GTF2IRD1: variants seen among roughly 807,000 people sequenced by gnomAD.
GTF2IRD1 encodes general transcription factor II-I repeat domain-containing protein 1.
Under a neutral mutation model 113.2 loss-of-function variants are expected in GTF2IRD1, and 26 were observed. That is an observed-to-expected ratio of 0.23 (90% CI 0.17 to 0.32). The LOEUF is 0.32. GTF2IRD1 is among the 10% of genes least tolerant of loss of function. The pLI is 1.00. For missense variants in GTF2IRD1, 864 were observed against 1,280.8 expected (o/e 0.67, Z 4.97); for synonymous variants, 484 against 529.1 (o/e 0.91, Z 1.17).
intron 1 of GTF2IRD1, among the ~76,000 whole-genome samples, chr7:74,472,665 C>G (rs1241959047): frequency 1.3e-5 from 2 of 152,148 alleles, no homozygotes; most frequent in Non-Finnish European, 2.9e-5. Flanking sequence ...GACATGAGAA[C>G]TGCTTCAACC....
Position 74,544,821 on chromosome 7 carries a change from C to A in GTF2IRD1, c.1666+19C>A. 1.2e-6 allele frequency: 2 copies of A among 1,609,172 alleles called. No individual in the cohort carries two copies. The highest frequency in any genetic ancestry group is 2.7e-5 in the African/African-American group (2 of 74,964). On this transcript the variant is annotated intron_variant, in intron 15 of 26. Coordinates refer to ENST00000424337, the MANE Select transcript of GTF2IRD1 (RefSeq NM_005685.4). ...GTGGAGGGTGAGGCCCTGTCTACCC[C>A]TGACATTTTACACCCACCCCCACCC... is the stretch of plus-strand genomic sequence containing the variant.
At chr7:74,601,287 C>T (rs1554374013) in intron 26 of GTF2IRD1, 107 bp downstream of exon 26, 1 of 1,547,930 alleles carries the variant, frequency 6.5e-7, no homozygotes, top group African/African-American at 1.4e-5. Context: ...CGGGGAGGCA[C>T]TGGGCTTTGA....
chr7:74,547,071 C>A, intron 16 of GTF2IRD1, 32 bp from the exon 17 acceptor site: 4 of 1,593,690 alleles, frequency 2.5e-6, no homozygotes, highest in Non-Finnish European at 3.4e-6. Flanking sequence ...CCTGTGGCAC[C>A]GGGTGGCCCT....
intron 17 of GTF2IRD1, among the ~76,000 whole-genome samples, chr7:74,553,181 G>A (rs1461244089): frequency 6.6e-6 from 1 of 151,164 alleles, no homozygotes; most frequent in Non-Finnish European, 1.5e-5. Context: ...CCAGGCTGGA[G>A]TACAGTGGTG....
At chr7:74,569,215 A>G (rs1394329917) in intron 22 of GTF2IRD1, among the ~76,000 whole-genome samples, 1 of 152,158 alleles carries the variant, frequency 6.6e-6, no homozygotes, top group Non-Finnish European at 1.5e-5. Context: ...CCCTGCAGAG[A>G]TTAGGAGCTG....
intron 11 of GTF2IRD1, among the ~76,000 whole-genome samples, chr7:74,537,669 CCT>C (rs1406040113): frequency 6.6e-6 from 1 of 152,102 alleles, no homozygotes; most frequent in Non-Finnish European, 1.5e-5. Context: ...TCATATCAGG[CCT>C]CTCCCTGCAG....
chr7:74,529,996 G>C, intron 9 of GTF2IRD1, 79 bp downstream of exon 9: 2 of 1,089,120 alleles, frequency 1.8e-6, no homozygotes, highest in Admixed American at 2.1e-5. Context: ...GATCGCTTGA[G>C]GCCAGGAGTT....
intron 1 of GTF2IRD1, among the ~76,000 whole-genome samples, chr7:74,462,883 G>A (rs1312577503): frequency 1.3e-5 from 2 of 152,326 alleles, no homozygotes; most frequent in African/African-American, 2.4e-5. Flanking sequence ...CGATCCTCCC[G>A]CCGCCATCCA....
chr7:74,544,666 C>A, intron 14 of GTF2IRD1, 89 bp from the exon 15 acceptor site: 1 of 1,346,898 alleles, frequency 7.4e-7, no homozygotes. Flanking sequence ...CCCTGGCCTG[C>A]CATTCCCCAG....
At chr7:74,557,786 T>A in intron 20 of GTF2IRD1, 64 bp downstream of exon 20, 1 of 1,016,368 alleles carries the variant, frequency 9.8e-7, no homozygotes, top group Non-Finnish European at 1.5e-6. Context: ...GTGGGAGGCT[T>A]CCCAGTTCCA....
chr7:74,578,004 A>G (rs587771189), intron 22 of GTF2IRD1, among the ~76,000 whole-genome samples: 3 of 151,814 alleles, frequency 2.0e-5, no homozygotes, highest in Non-Finnish European at 2.9e-5. Context: ...GAGTCTCTCT[A>G]TGTTACCCAA....
chr7:74,536,640 C>A (rs1222232149), intron 11 of GTF2IRD1, among the ~76,000 whole-genome samples: 3 of 151,630 alleles, frequency 2.0e-5, no homozygotes, highest in African/African-American at 7.3e-5. Context: ...AAACTCCCAT[C>A]TCTACTAAAA....
chr7:74,590,169 C>T (rs1226104120), intron 23 of GTF2IRD1, among the ~76,000 whole-genome samples: 1 of 152,114 alleles, frequency 6.6e-6, no homozygotes, highest in African/African-American at 2.4e-5. Flanking sequence ...CAGCCTTCAC[C>T]TCCTGGGCTT....
chr7:74,470,831 C>G (rs1314450387), intron 1 of GTF2IRD1, among the ~76,000 whole-genome samples: 1 of 151,940 alleles, frequency 6.6e-6, no homozygotes, highest in African/African-American at 2.4e-5. Flanking sequence ...CGAGACGGAG[C>G]CTTGCTCTCT....
In GTF2IRD1 at chr7:74,590,734, C is replaced by G. The variant is rs191262839; in HGVS notation, c.2399-91C>G. ...CTCTCTGGGTGTGATGGCTGCTGGG[C>G]TAGGGCAGCCCAGACTCCAGCCCTT... On this transcript the variant is annotated intron_variant, in intron 23 of 26. Transcript: ENST00000424337. 1,719 of 832,324 alleles carry G rather than the reference C, an allele frequency of 2.1e-3. 3 individuals are homozygous for G. The highest frequency in any genetic ancestry group is 2.8e-3 in the Non-Finnish European group (1,478 of 535,164). The allele number at this position is 832,324 out of a possible 1,614,324, so 51.6% of individuals were successfully genotyped here.
chr7:74,460,055 A>G (rs781862743), intron 1 of GTF2IRD1, among the ~76,000 whole-genome samples: 8 of 151,624 alleles, frequency 5.3e-5, no homozygotes, highest in Non-Finnish European at 1.2e-4. Context: ...GGCTCACTGC[A>G]GCTTCTCCCT....
rs930004661 is a variant in GTF2IRD1, at chr7:74,490,492, C to T, written c.-6-17583C>T. On this transcript the variant is annotated intron_variant, in intron 1 of 26. Transcript: ENST00000424337. ...TACCCCCACTGGGGAGCCTCTGGGA[C>T]TAGAGAGGGAGTATTCAGAGGGAGG... 2.0e-5 allele frequency among the ~76,000 whole-genome samples: 3 copies of T among 151,292 alleles called. No individual in the cohort carries two copies. In the South Asian group the frequency reaches 6.3e-4, roughly 32 times the overall value.
At chr7:74,502,751 G>A (rs749861458) in intron 1 of GTF2IRD1, among the ~76,000 whole-genome samples, 9 of 152,312 alleles carry the variant, frequency 5.9e-5, no homozygotes, top group African/African-American at 2.2e-4. Flanking sequence ...CTGGCAAGAC[G>A]GGGCAGGTGG....
intron 9 of GTF2IRD1, among the ~76,000 whole-genome samples, chr7:74,533,151 T>C (rs587632496): frequency 1.5e-4 from 23 of 151,244 alleles, no homozygotes; most frequent in Admixed American, 1.3e-3. Context: ...TTTTTTTTTT[T>C]TCAGATGGAG....
Sources: gnomAD v4.1 joint callset for allele counts (sites outside exome capture counted in the v4.1 genomes callset) on GRCh38, gnomAD v4.1.1 for gene constraint, MANE v1.5 for transcripts, NCBI Gene and HGNC (gene_info 2026-07-23, HGNC 2026-07-21) for gene names.